TBC1D5: variants seen among roughly 807,000 people sequenced by gnomAD.
TBC1D5 encodes the protein TBC1 domain family member 5, also known as TBC1 domain family, member 5.
TBC1D5 carries 75 observed loss-of-function variants against 100.3 expected under a neutral mutation model. That is an observed-to-expected ratio of 0.75 (90% CI 0.62 to 0.91). The LOEUF is 0.91. TBC1D5 is among the 40% of genes least tolerant of loss of function. TBC1D5 has a pLI of 0.00. For synonymous variants in TBC1D5, 323 were observed against 325.6 expected (o/e 0.99, Z 0.09); for missense variants, 910 against 942.4 (o/e 0.97, Z 0.45).
intron 21 of TBC1D5, among the ~76,000 whole-genome samples, chr3:17,164,082 TCA>T (rs2125066843): frequency 6.6e-6 from 1 of 152,276 alleles, no homozygotes; most frequent in Admixed American, 6.5e-5. Flanking sequence ...GTGGCTCTTC[TCA>T]CTCTATAGAA....
chr3:17,282,784 T>A (rs2080752706), intron 15 of TBC1D5, among the ~76,000 whole-genome samples: 1 of 152,266 alleles, frequency 6.6e-6, no homozygotes, highest in Non-Finnish European at 1.5e-5. Context: ...GAGATCCTTT[T>A]CACACTGACT....
chr3:17,385,804 G>A (rs1025218479), intron 8 of TBC1D5, among the ~76,000 whole-genome samples: 7 of 151,890 alleles, frequency 4.6e-5, no homozygotes, highest in Non-Finnish European at 8.8e-5. Flanking sequence ...AAAGCTTAAT[G>A]TGATGATCTC....
rs1560023117 is a variant in TBC1D5, at chr3:17,497,133, CACA to C, written c.97+11338_97+11340del. 4.5e-3 allele frequency among the ~76,000 whole-genome samples: 598 copies of C among 133,716 alleles called. 6 individuals carry two copies. The highest frequency in any genetic ancestry group is 0.015 in the South Asian group (66 of 4,276). The allele number at this position is 133,716 out of a possible 152,430, so 87.7% of individuals were successfully genotyped here. ...ACACACACACACACACACACACACACACACCATCCTTGTATATCTGCATATCTG... is the reference window on the plus strand; with the variant it reads ...ACACACACACACACACACACACACACCCATCCTTGTATATCTGCATATCTG... On this transcript the variant is annotated intron_variant, in intron 3 of 21. Transcript: ENST00000253692.
At chr3:17,352,693 A>AAAAAAAAC (rs1553700551) in intron 13 of TBC1D5, among the ~76,000 whole-genome samples, 11 of 149,208 alleles carry the variant, frequency 7.4e-5, no homozygotes, top group African/African-American at 2.7e-4. Context: ...CAAAAAAAAA[A>AAAAAAAAC]AAAAAACAAA....
At chr3:17,174,903 T>C (rs1240887598) in intron 19 of TBC1D5, among the ~76,000 whole-genome samples, 1 of 152,168 alleles carries the variant, frequency 6.6e-6, no homozygotes, top group Non-Finnish European at 1.5e-5. Context: ...GAACTGTTTT[T>C]ACATGAGAGA....
intron 2 of TBC1D5, among the ~76,000 whole-genome samples, chr3:17,552,219 CGAAGTATCAAA>C (rs374956693): frequency 2.1e-4 from 32 of 151,844 alleles, no homozygotes; most frequent in Non-Finnish European, 3.8e-4. Context: ...TAACAATCAC[CGAAGTATCAAA>C]GAAGTAAGCT....
chr3:17,447,803 T>C (rs1464023623), intron 3 of TBC1D5, among the ~76,000 whole-genome samples: 1 of 152,210 alleles, frequency 6.6e-6, no homozygotes, highest in African/African-American at 2.4e-5. Context: ...AAGTAGATAA[T>C]AACGTTTCAA....
In TBC1D5 at chr3:17,401,504, G is replaced by A. The variant is rs552567548; in HGVS notation, c.509+1677C>T. On this transcript the variant is annotated intron_variant, in intron 8 of 21. Coordinates refer to ENST00000253692, the Ensembl canonical transcript of TBC1D5. The stretch of plus-strand genomic sequence containing the variant: ...CTTACATAACAAAGCAGAAATGTTC[G>A]AACTACGTAACTAAAATGATGAAAA... 5.3e-5 allele frequency among the ~76,000 whole-genome samples: 8 copies of A among 151,990 alleles called. No homozygotes were observed. In the East Asian group the frequency reaches 9.7e-4, roughly 18 times the overall value.
chr3:17,447,421 C>T (rs1375898698), intron 3 of TBC1D5, among the ~76,000 whole-genome samples: 1 of 152,034 alleles, frequency 6.6e-6, no homozygotes, highest in African/African-American at 2.4e-5. Flanking sequence ...TACAAGATTC[C>T]TGAGAAGATA....
intron 1 of TBC1D5, among the ~76,000 whole-genome samples, chr3:17,716,140 A>T (rs1333889316): frequency 6.6e-6 from 1 of 152,196 alleles, no homozygotes; most frequent in East Asian, 1.9e-4. Context: ...TGAACAACTT[A>T]AGACATAAAA....
chr3:17,480,200 G>A (rs535344988), intron 3 of TBC1D5, among the ~76,000 whole-genome samples: 370 of 152,352 alleles, frequency 2.4e-3, no homozygotes, highest in Non-Finnish European at 4.6e-3. Context: ...AGGAGAGAGG[G>A]TGATGAGCAG....
chr3:17,377,929 AT>A (rs2092775847), intron 9 of TBC1D5, among the ~76,000 whole-genome samples: 1 of 151,910 alleles, frequency 6.6e-6, no homozygotes, highest in African/African-American at 2.4e-5. Flanking sequence ...CTTGAAAAAA[AT>A]CTTTCAGATA....
At chr3:17,402,949 G>A (rs940765363) in intron 8 of TBC1D5, among the ~76,000 whole-genome samples, 4 of 151,926 alleles carry the variant, frequency 2.6e-5, no homozygotes, top group Non-Finnish European at 5.9e-5. Context: ...TATTATTGAA[G>A]ATTATCAATA....
intron 2 of TBC1D5, among the ~76,000 whole-genome samples, chr3:17,566,082 TCAAA>T (rs568757218): frequency 7.9e-4 from 120 of 152,066 alleles, no homozygotes; most frequent in Admixed American, 1.0e-3. Context: ...CCTGAACAAA[TCAAA>T]CAGTTTTAAA....
chr3:17,277,332 A>G (rs1337656396), intron 15 of TBC1D5, among the ~76,000 whole-genome samples: 1 of 152,080 alleles, frequency 6.6e-6, no homozygotes, highest in Non-Finnish European at 1.5e-5. Context: ...CTCTTTTGAC[A>G]GGTTTCCTCT....
intron 17 of TBC1D5, among the ~76,000 whole-genome samples, chr3:17,215,432 C>A (rs1339691440): frequency 6.6e-6 from 1 of 151,956 alleles, no homozygotes; most frequent in African/African-American, 2.4e-5. Context: ...AATGATGGAG[C>A]GGCTATTTAC....
chr3:17,321,992 T>TACG (rs2085468713), intron 13 of TBC1D5, among the ~76,000 whole-genome samples: 1 of 152,230 alleles, frequency 6.6e-6, no homozygotes. Flanking sequence ...TACCATGAAT[T>TACG]ACGAGAGGTA....
At chr3:17,482,422 AAG>A (rs377440469) in intron 3 of TBC1D5, among the ~76,000 whole-genome samples, 168 of 152,338 alleles carry the variant, frequency 1.1e-3, no homozygotes, top group African/African-American at 3.9e-3. Flanking sequence ...GAAATGTTGA[AAG>A]AGAACAAAAC....
intron 2 of TBC1D5, chr3:17,576,346 A>G (rs1004467751): frequency 6.6e-6 from 1 of 152,096 alleles, no homozygotes; most frequent in African/African-American, 2.4e-5. Flanking sequence ...TAAGCACTGG[A>G]TAATTTTAAT....
Sources: gnomAD v4.1 joint callset for allele counts (sites outside exome capture counted in the v4.1 genomes callset) on GRCh38, gnomAD v4.1.1 for gene constraint, MANE v1.5 for transcripts, NCBI Gene and HGNC (gene_info 2026-07-23, HGNC 2026-07-21) for gene names.